The following OPCML variants were observed in gnomAD, a reference collection of about 807,000 sequenced individuals.
The protein encoded by OPCML is opioid-binding protein/cell adhesion molecule.
In OPCML, 13 loss-of-function variants were observed where a neutral mutation model predicts 37.8. The observed-to-expected ratio is 0.34, with a 90% CI of 0.22 to 0.55. The LOEUF (loss-of-function observed/expected upper bound fraction) is 0.55. Ranked by LOEUF, OPCML falls within the 20% of genes least tolerant of loss-of-function variation. OPCML has a pLI of 0.91. For missense variants in OPCML, 341 were observed against 435.6 expected (o/e 0.78, Z 1.93); for synonymous variants, 176 against 168.8 (o/e 1.04, Z -0.33).
intron 2 of OPCML, among the ~76,000 whole-genome samples, chr11:132,837,061 A>T (rs4447184): frequency 0.87 from 131,699 of 152,158 alleles, 57,927 homozygotes; most frequent in Middle Eastern, 0.96. Context: ...ATGCCTGTAA[A>T]CCCAGCACTT....
intron 1 of OPCML, among the ~76,000 whole-genome samples, chr11:133,520,706 G>A (rs982996845): frequency 6.6e-6 from 1 of 152,162 alleles, no homozygotes; most frequent in East Asian, 1.9e-4. Flanking sequence ...GCAACTGTAA[G>A]AGGCAGGCAT....
At chr11:133,278,859 G>A (rs888714715) in intron 1 of OPCML, among the ~76,000 whole-genome samples, 1 of 152,128 alleles carries the variant, frequency 6.6e-6, no homozygotes, top group Admixed American at 6.6e-5. Flanking sequence ...AGTCTATAAA[G>A]TCTATATTAT....
At chr11:132,763,735 G>A (rs1946341594) in intron 2 of OPCML, among the ~76,000 whole-genome samples, 1 of 152,210 alleles carries the variant, frequency 6.6e-6, no homozygotes, top group South Asian at 2.1e-4. Flanking sequence ...GCCCTGGAGA[G>A]TGCTCTTGGT....
chr11:133,124,969 T>G (rs573617808), intron 1 of OPCML, among the ~76,000 whole-genome samples: 1 of 152,224 alleles, frequency 6.6e-6, no homozygotes, highest in Admixed American at 6.5e-5. Context: ...TATTGGGCAG[T>G]TGTCTCTGCT....
chr11:132,620,970 A>G (rs1288850297), intron 3 of OPCML, among the ~76,000 whole-genome samples: 3 of 152,228 alleles, frequency 2.0e-5, no homozygotes, highest in Middle Eastern at 3.2e-3. Context: ...GCCAGCTACA[A>G]TGGCAGAGGT....
chr11:133,161,750 T>C (rs1950144583), intron 1 of OPCML, among the ~76,000 whole-genome samples: 1 of 152,204 alleles, frequency 6.6e-6, no homozygotes, highest in South Asian at 2.1e-4. Flanking sequence ...TACTTGTTTG[T>C]ATCTCCTACC....
At chr11:133,429,382 C>T (rs1424222395) in intron 1 of OPCML, among the ~76,000 whole-genome samples, 1 of 152,156 alleles carries the variant, frequency 6.6e-6, no homozygotes, top group Non-Finnish European at 1.5e-5. Context: ...ATCATATAGT[C>T]TTTTACACCA....
intron 1 of OPCML, among the ~76,000 whole-genome samples, chr11:133,323,443 A>G (rs1943379107): frequency 6.6e-6 from 1 of 152,250 alleles, no homozygotes; most frequent in Non-Finnish European, 1.5e-5. Flanking sequence ...CAGACACTAT[A>G]TAAATAGGCT....
intron 4 of OPCML, among the ~76,000 whole-genome samples, chr11:132,476,551 GA>G (rs1471596289): frequency 6.6e-6 from 1 of 152,108 alleles, no homozygotes; most frequent in Non-Finnish European, 1.5e-5. Context: ...GGACATGGAT[GA>G]AGCTGGAAAC....
chr11:133,457,057 A>T (rs993817428), intron 1 of OPCML, among the ~76,000 whole-genome samples: 2 of 152,194 alleles, frequency 1.3e-5, no homozygotes, highest in African/African-American at 4.8e-5. Context: ...CAACCCCAAG[A>T]CACATTATTA....
intron 3 of OPCML, among the ~76,000 whole-genome samples, chr11:132,646,908 G>C (rs760460313): frequency 1.3e-5 from 2 of 152,114 alleles, no homozygotes; most frequent in Non-Finnish European, 2.9e-5. Flanking sequence ...CAATGATATA[G>C]AGCTGATATT....
chr11:132,452,236 A>G (rs1446248984), intron 4 of OPCML, among the ~76,000 whole-genome samples: 1 of 152,112 alleles, frequency 6.6e-6, no homozygotes, highest in African/African-American at 2.4e-5. Flanking sequence ...CCAGAAGATT[A>G]TTACTATTCA....
At chr11:133,187,612 A>T (rs1318243104) in intron 1 of OPCML, among the ~76,000 whole-genome samples, 3 of 152,140 alleles carry the variant, frequency 2.0e-5, no homozygotes, top group East Asian at 1.9e-4. Context: ...TGCCAAAAGC[A>T]CTAAACAGTT....
At chr11:133,148,815 C>T (rs548867957) in intron 1 of OPCML, among the ~76,000 whole-genome samples, 1 of 152,136 alleles carries the variant, frequency 6.6e-6, no homozygotes, top group East Asian at 1.9e-4. Context: ...AGCATGTTTT[C>T]CACCCTGGCA....
chr11:133,379,001 C>G (rs898604055), intron 1 of OPCML, among the ~76,000 whole-genome samples: 16 of 152,144 alleles, frequency 1.1e-4, no homozygotes, highest in Admixed American at 6.5e-4. Flanking sequence ...AAGCAGTTCT[C>G]CCACCTGAGC....
intron 3 of OPCML, among the ~76,000 whole-genome samples, chr11:132,539,213 T>C (rs1335777855): frequency 6.6e-6 from 1 of 152,194 alleles, no homozygotes; most frequent in Non-Finnish European, 1.5e-5. Flanking sequence ...GGCTATGCTA[T>C]GAAGTGGTGC....
chr11:133,299,945 T>C (rs914782933), intron 1 of OPCML: 1 of 152,202 alleles, frequency 6.6e-6, no homozygotes, highest in African/African-American at 2.4e-5. Flanking sequence ...TAAATCTCCA[T>C]ACTGATTCAT....
intron 3 of OPCML, among the ~76,000 whole-genome samples, chr11:132,626,301 T>G (rs974004306): frequency 6.6e-6 from 1 of 151,926 alleles, no homozygotes; most frequent in African/African-American, 2.4e-5. Flanking sequence ...GTTGCAGGCA[T>G]GGACCTGAGC....
intron 2 of OPCML, among the ~76,000 whole-genome samples, chr11:132,923,200 C>T (rs950606295): frequency 7.9e-5 from 12 of 152,132 alleles, no homozygotes; most frequent in Non-Finnish European, 1.3e-4. Flanking sequence ...ATTCCCCCTG[C>T]ATGCTCTGGT....
Sources: allele counts gnomAD v4.1 joint callset (sites outside exome capture counted in the v4.1 genomes callset), GRCh38; gene constraint gnomAD v4.1.1; transcripts MANE v1.5; gene names NCBI Gene and HGNC (gene_info 2026-07-23, HGNC 2026-07-21).